The following GMDS variants were observed in gnomAD, a reference collection of about 807,000 sequenced individuals.
GMDS encodes the protein GDP-mannose 4,6 dehydratase.
Under a neutral mutation model 49.9 loss-of-function variants are expected in GMDS, and 20 were observed. The ratio of observed to expected loss-of-function variants is 0.40; its 90% CI spans 0.28 to 0.58. The LOEUF (loss-of-function observed/expected upper bound fraction) is 0.58. GMDS is among the 20% of genes least tolerant of loss of function. The probability of loss-of-function intolerance (pLI) is 0.42; values close to 1 mark genes in which losing one functional copy is unlikely to be tolerated. For synonymous variants in GMDS, 177 were observed against 178.6 expected, an observed-to-expected ratio of 0.99 and a Z score of 0.07; for missense variants, 362 against 481.4, an observed-to-expected ratio of 0.75 and a Z score of 2.32.
At chr6:1,705,968 C>A (rs983795048) in intron 9 of GMDS, among the ~76,000 whole-genome samples, 14 of 152,112 alleles carry the variant, frequency 9.2e-5, no homozygotes, top group South Asian at 4.1e-4. Context: ...GGGCATTAAG[C>A]CCTGAAGAAG....
intron 4 of GMDS, among the ~76,000 whole-genome samples, chr6:2,032,512 C>CTT (rs1000809396): frequency 6.6e-6 from 1 of 152,092 alleles, no homozygotes; most frequent in Non-Finnish European, 1.5e-5. Context: ...CTTAAGTCTC[C>CTT]TTAAATCCCT....
At chr6:1,769,037 A>G (rs779704416) in intron 7 of GMDS, among the ~76,000 whole-genome samples, 1 of 152,234 alleles carries the variant, frequency 6.6e-6, no homozygotes, top group Admixed American at 6.5e-5. Flanking sequence ...ACTATATTCT[A>G]CAGAGAGAAA....
chr6:2,124,786 G>A (rs1019304284), intron 1 of GMDS, 55 bp from the exon 2 acceptor site: 1 of 1,349,038 alleles, frequency 7.4e-7, no homozygotes, highest in Non-Finnish European at 1.1e-6. Flanking sequence ...ATAGAAAGGT[G>A]GTCTAGATGA....
In GMDS at chr6:2,137,797, A is replaced by G. The variant is rs76191189; in HGVS notation, c.103-13066T>C. 6.2e-4 allele frequency among the ~76,000 whole-genome samples: 95 copies of G among 152,344 alleles called. No individual in the cohort carries two copies. The East Asian group carries it at 8.3e-3, about 13-fold the overall frequency. On this transcript the variant is annotated intron_variant, in intron 1 of 10. Transcript: ENST00000380815. ...TAAAGATCACAAGGTCACTGCCTTC[A>G]CTGTCTTCCATTTCTTTCTGCAGGT...
At chr6:1,860,587 T>C (rs935859484) in intron 7 of GMDS, among the ~76,000 whole-genome samples, 3 of 152,196 alleles carry the variant, frequency 2.0e-5, no homozygotes, top group Non-Finnish European at 4.4e-5. Flanking sequence ...TAGAACTACA[T>C]ACTAATAACA....
chr6:2,025,064 T>C (rs1768501585), intron 4 of GMDS, among the ~76,000 whole-genome samples: 1 of 152,000 alleles, frequency 6.6e-6, no homozygotes, highest in African/African-American at 2.4e-5. Context: ...GATAAAACTA[T>C]AATGGCAGTG....
At chr6:2,225,371 T>C (rs889917068) in intron 1 of GMDS, among the ~76,000 whole-genome samples, 1 of 152,130 alleles carries the variant, frequency 6.6e-6, no homozygotes. Context: ...CTTTATCCTA[T>C]GATCTCATTA....
chr6:1,779,241 C>T (rs568546545), intron 7 of GMDS, among the ~76,000 whole-genome samples: 1 of 152,280 alleles, frequency 6.6e-6, no homozygotes, highest in South Asian at 2.1e-4. Context: ...CCCTGATGCT[C>T]CCCTCTGAGC....
At chr6:1,768,926 C>T (rs1189302670) in intron 7 of GMDS, among the ~76,000 whole-genome samples, 1 of 152,108 alleles carries the variant, frequency 6.6e-6, no homozygotes, top group Non-Finnish European at 1.5e-5. Context: ...TGTGCTTATT[C>T]ATTTTGAGTT....
At chr6:1,896,385 A>G (rs1760188719) in intron 7 of GMDS, among the ~76,000 whole-genome samples, 1 of 152,232 alleles carries the variant, frequency 6.6e-6, no homozygotes, top group Admixed American at 6.5e-5. Context: ...TACTGCAAAC[A>G]AGTGGTGAGA....
rs1271663896 is a variant in GMDS at position 2,140,562 on chromosome 6, CA to C, written c.103-15832del. ...ATCAGCAAGAGGTCAATCTAGCAAG[CA>C]GTCGTTCCCAGTCTATTTAATGAGA... On this transcript the variant is annotated intron_variant, in intron 1 of 10. Coordinates refer to ENST00000380815, the MANE Select transcript of GMDS (RefSeq NM_001500.4). Among the ~76,000 whole-genome samples, 3 of 152,184 alleles carry C rather than the reference CA, an allele frequency of 2.0e-5. No individual in the cohort carries two copies. In the East Asian group the frequency reaches 5.8e-4, roughly 29 times the overall value.
intron 7 of GMDS, among the ~76,000 whole-genome samples, chr6:1,846,382 T>C (rs1170475486): frequency 2.0e-5 from 3 of 151,992 alleles, no homozygotes; most frequent in Admixed American, 6.6e-5. Flanking sequence ...TGTGAGCCAC[T>C]GTGTCCAGCC....
At chr6:2,205,639 T>C (rs956959034) in intron 1 of GMDS, among the ~76,000 whole-genome samples, 6 of 152,234 alleles carry the variant, frequency 3.9e-5, no homozygotes, top group East Asian at 1.9e-4. Flanking sequence ...GCCCTTGCGA[T>C]ATGCAGAGAT....
At chr6:1,675,607 C>T (rs1764592346) in intron 9 of GMDS, among the ~76,000 whole-genome samples, 1 of 152,062 alleles carries the variant, frequency 6.6e-6, no homozygotes, top group Admixed American at 6.5e-5. Context: ...AATCCCAGCA[C>T]TTTGGGAGGC....
intron 7 of GMDS, among the ~76,000 whole-genome samples, chr6:1,923,415 G>C (rs1286305706): frequency 1.3e-5 from 2 of 152,224 alleles, no homozygotes; most frequent in Non-Finnish European, 2.9e-5. Flanking sequence ...AGAGCTAAGA[G>C]AGCACTGTAA....
At chr6:2,095,838 T>A (rs1013708571) in intron 4 of GMDS, among the ~76,000 whole-genome samples, 2 of 152,106 alleles carry the variant, frequency 1.3e-5, no homozygotes, top group Non-Finnish European at 2.9e-5. Context: ...CTGAAAGACA[T>A]CCACCAATTG....
intron 7 of GMDS, among the ~76,000 whole-genome samples, chr6:1,801,078 A>G (rs1769929446): frequency 6.6e-6 from 1 of 152,214 alleles, no homozygotes; most frequent in African/African-American, 2.4e-5. Flanking sequence ...ATCTGCTTCC[A>G]GGTGCTCCCT....
intron 4 of GMDS, among the ~76,000 whole-genome samples, chr6:1,983,400 G>C (rs529130653): frequency 6.6e-6 from 1 of 152,232 alleles, no homozygotes; most frequent in African/African-American, 2.4e-5. Flanking sequence ...AAACAGAAGA[G>C]CTTCTGTACA....
intron 4 of GMDS, among the ~76,000 whole-genome samples, chr6:2,104,709 T>C (rs1774120802): frequency 6.6e-6 from 1 of 152,152 alleles, no homozygotes; most frequent in African/African-American, 2.4e-5. Flanking sequence ...TTATTGAACA[T>C]AACCAATAGA....
Sources: gnomAD v4.1 joint callset for allele counts (sites outside exome capture counted in the v4.1 genomes callset) on GRCh38, gnomAD v4.1.1 for gene constraint, MANE v1.5 for transcripts, NCBI Gene and HGNC (gene_info 2026-07-23, HGNC 2026-07-21) for gene names.